The following ACSS2 variants were observed in gnomAD, a reference collection of about 807,000 sequenced individuals.
ACSS2 encodes the protein acyl-CoA synthetase short chain family member 2.
A neutral mutation model predicts 90.6 loss-of-function variants in ACSS2; 58 were observed. The ratio of observed to expected loss-of-function variants is 0.64; its 90% confidence interval spans 0.52 to 0.80. The LOEUF is 0.80. Among genes scored for constraint, ACSS2 ranks in the 30% least tolerant of loss-of-function variants. The pLI, the probability that ACSS2 is intolerant of heterozygous loss-of-function variation, is 0.00. For synonymous variants in ACSS2, 300 were observed against 330.9 expected (o/e 0.91, Z 1.01); for missense variants, 759 against 912.0 (o/e 0.83, Z 2.16).
chr20:34,915,532 A>T (rs1273648709), intron 7 of ACSS2, among the ~76,000 whole-genome samples: 4 of 152,148 alleles, frequency 2.6e-5, no homozygotes, highest in Admixed American at 1.3e-4. Flanking sequence ...GGGACAAGGT[A>T]ACCTGTCAGA....
chr20:34,907,351 C>T (rs2080833937), intron 2 of ACSS2, among the ~76,000 whole-genome samples: 1 of 152,170 alleles, frequency 6.6e-6, no homozygotes, highest in Non-Finnish European at 1.5e-5. Flanking sequence ...CTCCTGGCCT[C>T]AAGTGATCTA....
intron 2 of ACSS2, among the ~76,000 whole-genome samples, chr20:34,904,854 C>CA (rs1211991771): frequency 6.6e-6 from 1 of 151,888 alleles, no homozygotes; most frequent in East Asian, 1.9e-4. Context: ...CATGTTATCC[C>CA]ACCAGCTAAA....
intron 13 of ACSS2, 166 bp from the exon 14 acceptor site, chr20:34,923,157 G>A (rs980859943): frequency 5.2e-6 from 3 of 581,984 alleles, no homozygotes; most frequent in Non-Finnish European, 6.2e-6. Flanking sequence ...CTTCTCTGAG[G>A]TCACCTAGCT....
chr20:34,885,858 T>C (rs999768985), intron 2 of ACSS2, among the ~76,000 whole-genome samples: 2 of 152,134 alleles, frequency 1.3e-5, no homozygotes, highest in East Asian at 1.9e-4. Context: ...CATTTTTACA[T>C]TGGTCACTCC....
intron 2 of ACSS2, among the ~76,000 whole-genome samples, chr20:34,888,140 T>A (rs1438058096): frequency 1.3e-5 from 2 of 149,702 alleles, no homozygotes; most frequent in African/African-American, 4.9e-5. Context: ...ACACAAATAG[T>A]TCACAGAAAG....
intron 2 of ACSS2, among the ~76,000 whole-genome samples, chr20:34,896,471 C>T (rs1258601772): frequency 6.6e-6 from 1 of 152,174 alleles, no homozygotes; most frequent in Non-Finnish European, 1.5e-5. Flanking sequence ...CTATCTTATC[C>T]CCTCTCCTTC....
chr20:34,914,079 T>C lies in ACSS2; in HGVS notation c.644-17T>C. On this transcript the variant is annotated splice_polypyrimidine_tract_variant and intron_variant, in intron 5 of 17. Transcript: ENST00000360596. ...ATGGGGCTTACTAAGGCCTGGAATG[T>C]CTGTTGCTCCCCAAAGATGCCTTCT... 1 of 1,613,918 alleles carries C rather than the reference T, an allele frequency of 6.2e-7. No homozygotes were observed. Among genetic ancestry groups the C allele is most frequent in the Non-Finnish European group, 8.5e-7 (1 of 1,179,858 alleles).
At chr20:34,919,730 A>C (rs550026143) in intron 8 of ACSS2, among the ~76,000 whole-genome samples, 158 bp downstream of exon 8, 20 of 152,240 alleles carry the variant, frequency 1.3e-4, no homozygotes, top group African/African-American at 4.8e-4. Flanking sequence ...AATCAAATTA[A>C]GACATAAATC....
At chr20:34,888,650 T>C (rs1165725352) in intron 2 of ACSS2, among the ~76,000 whole-genome samples, 1 of 152,126 alleles carries the variant, frequency 6.6e-6, no homozygotes, top group African/African-American at 2.4e-5. Flanking sequence ...ATGAGTACTA[T>C]AGAAAAATAT....
chr20:34,884,485 A>G (rs1230152513), intron 2 of ACSS2, among the ~76,000 whole-genome samples: 7 of 152,224 alleles, frequency 4.6e-5, no homozygotes, highest in African/African-American at 1.7e-4. Flanking sequence ...AAATGGGGAT[A>G]ATAATTCTAT....
At chr20:34,885,405 C>T (rs1443323068) in intron 2 of ACSS2, among the ~76,000 whole-genome samples, 1 of 152,112 alleles carries the variant, frequency 6.6e-6, no homozygotes, top group Admixed American at 6.6e-5. Flanking sequence ...ACACCAGTTC[C>T]CCTACCACCC....
intron 2 of ACSS2, among the ~76,000 whole-genome samples, chr20:34,890,402 A>T (rs1337928436): frequency 6.6e-6 from 1 of 152,134 alleles, no homozygotes; most frequent in African/African-American, 2.4e-5. Context: ...ATCAGTGACA[A>T]GGTATTGGGA....
chr20:34,919,478 T>G lies in ACSS2; in HGVS notation c.878T>G (p.Met293Arg), dbSNP rs1212727137. Residue 293 changes from methionine to arginine, a missense_variant, in exon 8 of 18, where the codon ATG (methionine) becomes AGG (arginine). Coordinates refer to ENST00000360596, the MANE Select transcript of ACSS2 (RefSeq NM_018677.4). ...QGIDLWWHEL[M>R]QEAGDECEPE... is the part of the protein sequence containing the mutation. ...ATTGACTTGTGGTGGCATGAGCTCA[T>G]GCAAGAGGCAGGGGATGAGTGTGAG... The G allele has an allele frequency of 1.9e-6, 3 of 1,613,130 alleles. No individual in the cohort carries two copies. Among genetic ancestry groups the G allele is most frequent in the Non-Finnish European group, 2.5e-6 (3 of 1,180,004 alleles).
intron 7 of ACSS2, among the ~76,000 whole-genome samples, chr20:34,916,879 A>G (rs1178072193): frequency 2.0e-5 from 3 of 152,084 alleles, no homozygotes; most frequent in Non-Finnish European, 4.4e-5. Flanking sequence ...CCTTGAGACT[A>G]TCCTGGTCCA....
chr20:34,900,166 CT>C (rs34951413), intron 2 of ACSS2, among the ~76,000 whole-genome samples: 1,914 of 79,132 alleles, frequency 0.024, 15 homozygotes, highest in African/African-American at 0.089. Flanking sequence ...CATGCCTGAC[CT>C]TTTTTTTTTT....
intron 7 of ACSS2, among the ~76,000 whole-genome samples, chr20:34,918,022 G>A (rs966039407): frequency 3.9e-5 from 6 of 152,092 alleles, no homozygotes; most frequent in African/African-American, 1.4e-4. Flanking sequence ...CTCCCAAAGT[G>A]CTGGGATTAC....
upstream of ACSS2, chr20:34,875,026 C>T (rs746594229): frequency 1.5e-5 from 8 of 533,664 alleles, no homozygotes; most frequent in Admixed American, 3.9e-5. Flanking sequence ...GGGAGCTGCC[C>T]GCTTCAGGCC....
At position 34,919,225 on chromosome 20, in the gene ACSS2, G is replaced by A. The variant is rs531750574; in HGVS notation, c.835-210G>A. Among the ~76,000 whole-genome samples, 5 of 152,264 alleles carry A rather than the reference G, an allele frequency of 3.3e-5. No individual in the cohort carries two copies. In the South Asian group the frequency reaches 1.0e-3, roughly 32 times the overall value. On this transcript the variant is annotated intron_variant, in intron 7 of 17. Coordinates refer to ENST00000360596, the MANE Select transcript of ACSS2 (RefSeq NM_018677.4). ...CAGGTGAGAGGAGTTCTGGGGTAGA[G>A]ATGGGGGTAGGATGGCAGGGTGGTT...
rs773198657 is a variant in ACSS2 at position 34,925,738 on chromosome 20, C to A, written c.1698C>A (p.Gly566=). ...AGGATGGCTATTACTGGATCACTGG[C>A]AGGATTGATGACATGCTCAATGTAT... ...RDQDGYYWIT[G]RIDDMLNVSG... is the part of the protein sequence containing the mutation. The change falls in exon 15 of 18, where the codon GGC becomes GGA. Residue 566 remains glycine, a synonymous_variant. Coordinates refer to ENST00000360596, the MANE Select transcript of ACSS2 (RefSeq NM_018677.4). 1.9e-6 allele frequency: 3 copies of A among 1,613,572 alleles called. No individual in the cohort carries two copies. Among genetic ancestry groups the A allele is most frequent in the Admixed American group, 3.3e-5 (2 of 59,970 alleles).
Sources: allele counts gnomAD v4.1 joint callset (sites outside exome capture counted in the v4.1 genomes callset), GRCh38; gene constraint gnomAD v4.1.1; transcripts MANE v1.5; gene names NCBI Gene and HGNC (gene_info 2026-07-23, HGNC 2026-07-21).